Variants in DNAH9 observed in about 807,000 individuals in gnomAD.
DNAH9 encodes DNAH9 variant protein.
A neutral mutation model predicts 471.6 loss-of-function variants in DNAH9; 345 were observed. The ratio of observed to expected loss-of-function variants is 0.73; its 90% CI spans 0.67 to 0.80. DNAH9 has a LOEUF of 0.80. Ranked by LOEUF, DNAH9 falls within the 30% of genes least tolerant of loss-of-function variation. The probability of loss-of-function intolerance (pLI) is 0.00; values close to 1 mark genes in which losing one functional copy is unlikely to be tolerated. For synonymous variants in DNAH9, 2,093 were observed against 2,123.6 expected, an observed-to-expected ratio of 0.99 and a Z score of 0.40; for missense variants, 5,407 against 5,609.2, an observed-to-expected ratio of 0.96 and a Z score of 1.15.
chr17:11,863,457 A>G (rs1457198104), intron 50 of DNAH9, among the ~76,000 whole-genome samples: 37 of 152,164 alleles, frequency 2.4e-4, no homozygotes, highest in Admixed American at 1.3e-4. Flanking sequence ...ATCCATGTTC[A>G]TCAAGGATAT....
Position 11,933,986 on chromosome 17 carries a change from T to C in DNAH9, c.12404T>C (p.Ile4135Thr). 6.2e-7 allele frequency: 1 copy of C among 1,614,198 alleles called. No homozygotes were observed. Among genetic ancestry groups the C allele is most frequent in the South Asian group, 1.1e-5 (1 of 91,084 alleles). The change falls in exon 65 of 69, where the codon ATT becomes ACT. Residue 4135 changes from isoleucine (I) to threonine (T), a missense_variant. Physicochemically the swap from Ile to Thr is moderately conservative, Grantham distance 89. This residue lies in a region of DNAH9 where 4,636 missense variants were observed against 4,900.3 expected (regional missense o/e 0.95). Transcript: ENST00000262442. ...RLCRTYLGEF[I>T]RPEMLEGELS... Reference sequence around the variant, plus strand: ...TGCAGAACCTACCTGGGGGAATTCATTCGACCAGAAATGTTAGAAGGAGAA... The same window carrying C: ...TGCAGAACCTACCTGGGGGAATTCACTCGACCAGAAATGTTAGAAGGAGAA...
intron 20 of DNAH9, 138 bp downstream of exon 20, chr17:11,690,574 T>C: frequency 2.6e-6 from 2 of 765,500 alleles, no homozygotes; most frequent in Middle Eastern, 3.7e-4. Context: ...TTCCCACAGA[T>C]GCTCACCTTA....
intron 42 of DNAH9, among the ~76,000 whole-genome samples, chr17:11,794,069 G>T (rs1969156790): frequency 1.7e-5 from 2 of 115,778 alleles, no homozygotes; most frequent in Non-Finnish European, 3.3e-5. Context: ...TTTTGAGACA[G>T]AGTCTTGCTC....
At chr17:11,841,798 G>A (rs1971044140) in intron 49 of DNAH9, among the ~76,000 whole-genome samples, 2 of 152,064 alleles carry the variant, frequency 1.3e-5, no homozygotes, top group South Asian at 2.1e-4. Flanking sequence ...GTGGGTTTGC[G>A]TGACCCAGTT....
intron 46 of DNAH9, 72 bp from the exon 47 acceptor site, chr17:11,822,366 A>G (rs1970337411): frequency 2.6e-6 from 4 of 1,558,694 alleles, no homozygotes; most frequent in Non-Finnish European, 3.5e-6. Context: ...AGAGAACCCA[A>G]GGCCATATCT....
At chr17:11,917,925 G>T (rs2151024155) in intron 61 of DNAH9, among the ~76,000 whole-genome samples, 1 of 152,126 alleles carries the variant, frequency 6.6e-6, no homozygotes, top group South Asian at 2.1e-4. Context: ...GCATCATCTT[G>T]CTTGGTCTCC....
rs552049226 is a variant in DNAH9, at chr17:11,960,934, A to G, written c.12844-933A>G. Reference sequence around the variant, plus strand: ...AACGCTGTCAGGTGCCCTAACACCTATTACAGAAACCACAACAATAGAAAT... The same window carrying G: ...AACGCTGTCAGGTGCCCTAACACCTGTTACAGAAACCACAACAATAGAAAT... On this transcript the variant is annotated intron_variant, in intron 67 of 68. Transcript: ENST00000262442. Among the ~76,000 whole-genome samples the G allele has an allele frequency of 7.9e-5, 12 of 152,314 alleles. No individual in the cohort carries two copies. The South Asian group carries it at 2.3e-3, about 29-fold the overall frequency.
intron 54 of DNAH9, among the ~76,000 whole-genome samples, chr17:11,880,461 T>C (rs1019156503): frequency 6.6e-6 from 1 of 152,072 alleles, no homozygotes; most frequent in African/African-American, 2.4e-5. Context: ...AGTGCACAAT[T>C]TTGGAAAAAC....
At chr17:11,604,657 C>T (rs1265855659) in intron 1 of DNAH9, among the ~76,000 whole-genome samples, 1 of 152,208 alleles carries the variant, frequency 6.6e-6, no homozygotes, top group Non-Finnish European at 1.5e-5. Context: ...CTCCATTCTT[C>T]CCGTTGTTCA....
intron 45 of DNAH9, among the ~76,000 whole-genome samples, chr17:11,818,879 TTATTAC>T (rs890964697): frequency 1.6e-5 from 2 of 123,138 alleles, no homozygotes; most frequent in Non-Finnish European, 3.6e-5. Flanking sequence ...TCTGTCTCCA[TTATTAC>T]TATTATTATT....
intron 35 of DNAH9, among the ~76,000 whole-genome samples, 165 bp downstream of exon 35, chr17:11,757,857 C>G (rs993207611): frequency 4.6e-5 from 7 of 152,128 alleles, no homozygotes; most frequent in Admixed American, 3.9e-4. Context: ...ATTAGGATGG[C>G]CATGGGATGC....
Position 11,669,503 on chromosome 17 carries a change from G to A in DNAH9, c.3062G>A (p.Arg1021Gln), listed in dbSNP as rs758625646. 1.4e-5 allele frequency: 23 copies of A among 1,614,114 alleles called. No individual in the cohort carries two copies. The highest frequency in any genetic ancestry group is 3.3e-4 in the Middle Eastern group (2 of 6,062). The change falls in exon 17 of 69, where the codon CGG (arginine) becomes CAG (glutamine). Residue 1021 changes from arginine (R) to glutamine (Q), a missense_variant. By Grantham distance (43) the Arg-to-Gln change is conservative. This residue lies in a region of DNAH9 where 4,636 missense variants were observed against 4,900.3 expected (regional missense o/e 0.95). Coordinates refer to ENST00000262442, the MANE Select transcript of DNAH9 (RefSeq NM_001372.4). Reference sequence around the variant, plus strand: ...TATTCGTACCTCTATGTGGAGGACCGGAAGGAGGTTCTGGGTCAGTTTCTG... The same window carrying A: ...TATTCGTACCTCTATGTGGAGGACCAGAAGGAGGTTCTGGGTCAGTTTCTG... The part of the protein sequence containing the change: ...SQYSYLYVED[R>Q]KEVLGQFLLY...
chr17:11,676,405 C>T (rs2074051983), intron 17 of DNAH9, among the ~76,000 whole-genome samples: 1 of 151,750 alleles, frequency 6.6e-6, no homozygotes. Flanking sequence ...GCCTCAGCCT[C>T]CCAAGTAGCT....
At chr17:11,697,558 A>T (rs2074498143) in intron 22 of DNAH9, among the ~76,000 whole-genome samples, 1 of 152,170 alleles carries the variant, frequency 6.6e-6, no homozygotes, top group Non-Finnish European at 1.5e-5. Context: ...TCTGAAAACG[A>T]GTGCTTTTAT....
intron 38 of DNAH9, among the ~76,000 whole-genome samples, chr17:11,775,697 T>C (rs954233672): frequency 7.0e-6 from 1 of 143,466 alleles, no homozygotes; most frequent in African/African-American, 2.6e-5. Context: ...CTCCGCCTCC[T>C]GGGTTCACGC....
Position 11,615,896 on chromosome 17 carries a change from C to T in DNAH9, c.905-1515C>T, listed in dbSNP as rs181850495. Among the ~76,000 whole-genome samples the T allele has an allele frequency of 1.6e-3, 242 of 152,232 alleles. 1 individual carries two copies. The highest frequency in any genetic ancestry group is 5.6e-3 in the African/African-American group (233 of 41,546). ...ACTGTTGGATTCTGAAATCCCCCAC[C>T]CCAACACAGAGGTTCTAATACTCAC... On this transcript the variant is annotated intron_variant, in intron 4 of 68. Coordinates refer to ENST00000262442, the MANE Select transcript of DNAH9 (RefSeq NM_001372.4).
chr17:11,736,798 C>T (rs558080892), intron 28 of DNAH9, among the ~76,000 whole-genome samples: 15 of 152,310 alleles, frequency 9.8e-5, no homozygotes, highest in Admixed American at 2.0e-4. Context: ...TTCTGGGCTT[C>T]GGTGTTTCGA....
intron 50 of DNAH9, among the ~76,000 whole-genome samples, chr17:11,860,442 T>A (rs937565165): frequency 6.6e-6 from 1 of 152,240 alleles, no homozygotes; most frequent in Non-Finnish European, 1.5e-5. Context: ...TGTCTAGAAA[T>A]GTCTTCGTTT....
intron 9 of DNAH9, among the ~76,000 whole-genome samples, chr17:11,637,370 AAAAT>A (rs2073184339): frequency 6.6e-6 from 1 of 152,224 alleles, no homozygotes; most frequent in Non-Finnish European, 1.5e-5. Flanking sequence ...GGTAAGGGAT[AAAAT>A]AAATAATGAA....
Sources: gnomAD v4.1 joint callset for allele counts (sites outside exome capture counted in the v4.1 genomes callset) on GRCh38, gnomAD v4.1.1 for gene constraint, gnomAD v4.1.1 regional missense constraint, MANE v1.5 for transcripts, NCBI Gene and HGNC (gene_info 2026-07-23, HGNC 2026-07-21) for gene names.